UBE4B: variants seen among roughly 807,000 people sequenced by gnomAD.
UBE4B encodes ubiquitin conjugation factor E4 B.
UBE4B carries 27 observed loss-of-function variants against 148.1 expected under a neutral mutation model. The observed-to-expected ratio is 0.18, with a 90% confidence interval of 0.13 to 0.25. UBE4B has a LOEUF of 0.25. Among genes scored for constraint, UBE4B ranks in the 10% least tolerant of loss-of-function variants. UBE4B has a pLI of 1.00. For missense variants in UBE4B, 1,170 were observed against 1,662.4 expected, an observed-to-expected ratio of 0.70 and a Z score of 5.15; for synonymous variants, 596 against 619.3, an observed-to-expected ratio of 0.96 and a Z score of 0.56.
intron 1 of UBE4B, among the ~76,000 whole-genome samples, chr1:10,065,294 A>T (rs1389927006): frequency 6.6e-6 from 1 of 152,166 alleles, no homozygotes; most frequent in South Asian, 2.1e-4. Flanking sequence ...TTGAGCAAAG[A>T]TCCAGGTCAG....
At chr1:10,157,038 C>T (rs915858010) in intron 21 of UBE4B, among the ~76,000 whole-genome samples, 2 of 152,042 alleles carry the variant, frequency 1.3e-5, no homozygotes, top group Admixed American at 6.6e-5. Flanking sequence ...ATTTTTGAGA[C>T]AGAGTCTTGC....
intron 3 of UBE4B, among the ~76,000 whole-genome samples, chr1:10,100,106 C>T (rs1048105132): frequency 3.3e-5 from 5 of 152,100 alleles, no homozygotes; most frequent in African/African-American, 9.7e-5. Context: ...TCTCCCGCCT[C>T]GGCCTCCTGA....
intron 1 of UBE4B, among the ~76,000 whole-genome samples, chr1:10,046,439 G>A (rs759407524): frequency 6.6e-6 from 1 of 152,158 alleles, no homozygotes; most frequent in Non-Finnish European, 1.5e-5. Context: ...ATACAGTGGT[G>A]GAGAGGTTAG....
chr1:10,171,507 A>G (rs1460351756), intron 25 of UBE4B, among the ~76,000 whole-genome samples, 178 bp downstream of exon 25: 1 of 152,228 alleles, frequency 6.6e-6, no homozygotes, highest in Non-Finnish European at 1.5e-5. Flanking sequence ...ACATTCTGGG[A>G]GGCCAAGGCA....
chr1:10,068,730 A>C (rs1233790886), intron 1 of UBE4B, among the ~76,000 whole-genome samples: 1 of 152,218 alleles, frequency 6.6e-6, no homozygotes, highest in African/African-American at 2.4e-5. Context: ...GTGATTGCAC[A>C]AAGCCATTCT....
At position 10,180,116 on chromosome 1, in the gene UBE4B, A is replaced by G. The variant is rs1023360437; in HGVS notation, c.*160A>G. On this transcript the variant is annotated 3_prime_UTR_variant, in exon 28 of 28. Transcript: ENST00000343090. ...AGCAAACGCTGAGACCTGAAAGGAC[A>G]TGGATGAGAAGAGGAGCCCGCTTCC... 3.2e-5 allele frequency: 25 copies of G among 769,596 alleles called. No individual in the cohort carries two copies. The highest frequency in any genetic ancestry group is 3.1e-4 in the Admixed American group (11 of 35,844). 47.7% of individuals were successfully genotyped at this position (769,596 alleles called of 1,614,324 possible). A position where few individuals can be genotyped will look rare whatever the true frequency, so the allele number is the denominator to read the frequency against.
In UBE4B at chr1:10,137,120, C is replaced by G; in HGVS notation, c.2278C>G (p.Leu760Val). The change falls in exon 17 of 28, where the codon CTC becomes GTC. Residue 760 changes from leucine to valine, a missense_variant. Leu to Val is a conservative substitution (Grantham distance 32, BLOSUM62 1). Around this residue, in one of 6 missense-constraint regions of UBE4B, gnomAD observed 388 missense variants for 536.0 expected, o/e 0.72. Coordinates refer to ENST00000343090, the MANE Select transcript of UBE4B (RefSeq NM_001105562.3). The part of the protein sequence containing the change: ...EPKFPTECFF[L>V]TLHAHHLSIL... ...GAAATTCCCTACGGAGTGCTTCTTT[C>G]TCACCCTGCATGCTCACCACCTCTC... The G allele has an allele frequency of 1.9e-6, 3 of 1,614,182 alleles. No homozygotes were observed. The highest frequency in any genetic ancestry group is 2.5e-6 in the Non-Finnish European group (3 of 1,180,042).
At chr1:10,066,181 G>A (rs1349826939) in intron 1 of UBE4B, among the ~76,000 whole-genome samples, 1 of 151,442 alleles carries the variant, frequency 6.6e-6, no homozygotes, top group Non-Finnish European at 1.5e-5. Context: ...TGACACCCCG[G>A]CTGGAGTGCA....
At chr1:10,176,738 G>T (rs1315821699) in intron 25 of UBE4B, among the ~76,000 whole-genome samples, 1 of 135,170 alleles carries the variant, frequency 7.4e-6, no homozygotes, top group Non-Finnish European at 1.6e-5. Context: ...TAATTGGGTT[G>T]TTTGTGTTTT....
intron 14 of UBE4B, among the ~76,000 whole-genome samples, chr1:10,132,013 C>T (rs999146510): frequency 6.6e-6 from 1 of 151,840 alleles, no homozygotes; most frequent in African/African-American, 2.4e-5. Context: ...GCCTGTAATC[C>T]CAACTACTCG....
At chr1:10,173,753 C>T (rs1387508149) in intron 25 of UBE4B, among the ~76,000 whole-genome samples, 2 of 152,290 alleles carry the variant, frequency 1.3e-5, no homozygotes, top group Non-Finnish European at 2.9e-5. Flanking sequence ...AGTGTGCGCC[C>T]TCTCCAGGGT....
At chr1:10,086,910 A>G (rs1017855813) in intron 2 of UBE4B, among the ~76,000 whole-genome samples, 1 of 151,992 alleles carries the variant, frequency 6.6e-6, no homozygotes, top group African/African-American at 2.4e-5. Flanking sequence ...GGCTGGTGTC[A>G]AACTCCTGAT....
chr1:10,063,980 T>C (rs57216908), intron 1 of UBE4B, among the ~76,000 whole-genome samples: 13,509 of 152,122 alleles, frequency 0.089, 1,272 homozygotes, highest in African/African-American at 0.24. Context: ...AAGATGTCTT[T>C]CTTGCCTTCA....
At chr1:10,064,116 A>G (rs913326440) in intron 1 of UBE4B, among the ~76,000 whole-genome samples, 1 of 152,096 alleles carries the variant, frequency 6.6e-6, no homozygotes, top group Non-Finnish European at 1.5e-5. Context: ...AGCGTTCCCT[A>G]AACAGTGTGT....
intron 2 of UBE4B, among the ~76,000 whole-genome samples, chr1:10,081,915 A>G (rs1313894519): frequency 6.6e-6 from 1 of 152,054 alleles, no homozygotes; most frequent in Non-Finnish European, 1.5e-5. Context: ...AGTTCTCACT[A>G]TGTTACCCAG....
chr1:10,172,604 C>T (rs568189676), intron 25 of UBE4B, among the ~76,000 whole-genome samples: 2 of 152,256 alleles, frequency 1.3e-5, no homozygotes, highest in South Asian at 4.1e-4. Context: ...AAATACTATT[C>T]ATGGCTCAAG....
intron 2 of UBE4B, among the ~76,000 whole-genome samples, chr1:10,091,290 G>A (rs1208553491): frequency 6.6e-6 from 1 of 152,180 alleles, no homozygotes; most frequent in African/African-American, 2.4e-5. Context: ...CCTCAAGTTT[G>A]GGGTGGGAGA....
At chr1:10,116,443 A>G (rs988066482) in intron 7 of UBE4B, among the ~76,000 whole-genome samples, 1 of 152,148 alleles carries the variant, frequency 6.6e-6, no homozygotes, top group Non-Finnish European at 1.5e-5. Flanking sequence ...ATACCCGGCC[A>G]TATTACCATC....
rs951528759 is a variant in UBE4B at position 10,071,885 on chromosome 1, C to T, written c.25-143C>T. 14 of 784,442 alleles carry T rather than the reference C, an allele frequency of 1.8e-5. No homozygotes were observed. In the East Asian group the frequency reaches 2.6e-4, roughly 15 times the overall value. The allele number at this position is 784,442 out of a possible 1,614,324, so 48.6% of individuals were successfully genotyped here. On this transcript the variant is annotated intron_variant, in intron 1 of 27. Coordinates refer to ENST00000343090, the MANE Select transcript of UBE4B (RefSeq NM_001105562.3). ...AGAGCTTGTAGGAATACTGGTAGAG[C>T]GAGTTATTCTCTCAGAAGAGTACTT...
Sources: allele counts gnomAD v4.1 joint callset (sites outside exome capture counted in the v4.1 genomes callset), GRCh38; gene constraint gnomAD v4.1.1; regional missense constraint gnomAD v4.1.1; transcripts MANE v1.5; gene names NCBI Gene and HGNC (gene_info 2026-07-23, HGNC 2026-07-21).